The following QSER1 variants were observed in gnomAD, a reference collection of about 807,000 sequenced individuals.
The protein encoded by QSER1 is glutamine and serine-rich protein 1.
QSER1 carries 49 observed loss-of-function variants against 158.5 expected under a neutral mutation model. The observed-to-expected ratio is 0.31, with a 90% CI of 0.25 to 0.39. QSER1 has a LOEUF of 0.39. QSER1 is among the 10% of genes least tolerant of loss of function. The pLI, the probability that QSER1 is intolerant of heterozygous loss-of-function variation, is 1.00. For synonymous variants in QSER1, 650 were observed against 715.5 expected, an observed-to-expected ratio of 0.91 and a Z score of 1.46; for missense variants, 1,754 against 2,010.3, an observed-to-expected ratio of 0.87 and a Z score of 2.44.
chr11:32,933,990 C>G lies in QSER1; in HGVS notation c.2732C>G (p.Ser911Cys). Reference protein sequence around the residue: ...GHVIQSNGDHSQQQLHPQNSE... With the variant: ...GHVIQSNGDHCQQQLHPQNSE... ...GTTATTCAAAGCAATGGTGATCATT[C>G]TCAGCAGCAACTCCATCCTCAAAAT... Residue 911 changes from serine to cysteine, a missense_variant, in exon 4 of 13, where the codon TCT (serine) becomes TGT (cysteine). By Grantham distance (112) the Ser-to-Cys change is moderately radical (BLOSUM62 -1). This residue lies in a region of QSER1 where 1,707 missense variants were observed against 1,919.6 expected (regional missense o/e 0.89). Coordinates refer to ENST00000650167, the MANE Select transcript of QSER1 (RefSeq NM_001076786.3). 6.2e-7 allele frequency: 1 copy of G among 1,613,794 alleles called. No individual in the cohort carries two copies. The highest frequency in any genetic ancestry group is 8.5e-7 in the Non-Finnish European group (1 of 1,179,910).
chr11:32,956,196 C>A, intron 7 of QSER1, 75 bp downstream of exon 7: 1 of 1,273,646 alleles, frequency 7.9e-7, no homozygotes, highest in Non-Finnish European at 1.1e-6. Context: ...TACAAAGGAG[C>A]ATATCAATTA....
chr11:32,915,377 A>G (rs956779982), intron 1 of QSER1, among the ~76,000 whole-genome samples: 2 of 152,188 alleles, frequency 1.3e-5, no homozygotes, highest in African/African-American at 4.8e-5. Flanking sequence ...GGCTGGGAAT[A>G]TGAAGATTGA....
At chr11:32,930,301 A>T (rs571379329) in intron 3 of QSER1, among the ~76,000 whole-genome samples, 3 of 152,208 alleles carry the variant, frequency 2.0e-5, no homozygotes, top group Non-Finnish European at 4.4e-5. Context: ...GAGTTGAACT[A>T]TGTTATCTCA....
chr11:32,913,179 CTT>C (rs61685246), intron 1 of QSER1, among the ~76,000 whole-genome samples: 24 of 54,340 alleles, frequency 4.4e-4, no homozygotes, highest in South Asian at 3.1e-3. Flanking sequence ...TCTCCTCTTC[CTT>C]TTTTTTTTTT....
chr11:32,933,873 C>T lies in QSER1; in HGVS notation c.2615C>T (p.Ala872Val), dbSNP rs1852095207. 6.2e-7 allele frequency: 1 copy of T among 1,613,300 alleles called. No individual in the cohort carries two copies. Among genetic ancestry groups the T allele is most frequent in the African/African-American group, 1.3e-5 (1 of 74,890 alleles). Residue 872 changes from alanine to valine, a missense_variant, in exon 4 of 13, where the codon GCA (alanine) becomes GTA (valine). Ala to Val is a moderately conservative substitution (Grantham distance 64, BLOSUM62 0). Coordinates refer to ENST00000650167, the MANE Select transcript of QSER1 (RefSeq NM_001076786.3). Reference sequence around the variant, plus strand: ...ATTCTTCAGCAGTCAATACTGCAGGCAGGTTTAGGTCAAGTAAAGGCATCT... The same window carrying T: ...ATTCTTCAGCAGTCAATACTGCAGGTAGGTTTAGGTCAAGTAAAGGCATCT... The part of the protein sequence containing the change: ...LQILQQSILQ[A>V]GLGQVKASLQ...
chr11:32,974,600 T>C (rs917756662), intron 11 of QSER1, among the ~76,000 whole-genome samples: 4 of 152,176 alleles, frequency 2.6e-5, no homozygotes, highest in African/African-American at 7.2e-5. Flanking sequence ...AAAGAAGAGA[T>C]AGATTTGTTC....
intron 1 of QSER1, among the ~76,000 whole-genome samples, chr11:32,923,892 C>T (rs886190601): frequency 6.6e-6 from 1 of 151,952 alleles, no homozygotes; most frequent in Non-Finnish European, 1.5e-5. Flanking sequence ...CGCTTGAACC[C>T]GGAAAGTGGA....
At position 32,928,032 on chromosome 11, in the gene QSER1, T is replaced by C. The variant is rs768408915; in HGVS notation, c.393T>C (p.Asn131=). The C allele has an allele frequency of 2.5e-6, 4 of 1,610,006 alleles. No homozygotes were observed. The South Asian group carries it at 4.4e-5, about 18-fold the overall frequency. The change falls in exon 3 of 13, where the codon AAT becomes AAC. Residue 131 remains asparagine, a synonymous_variant. Coordinates refer to ENST00000650167, the MANE Select transcript of QSER1 (RefSeq NM_001076786.3). ...ACACTAAAGAGTCTTCAGTGATGAA[T>C]TTTCTGTCTACTGCTGAATCCCGAA... is the stretch of plus-strand genomic sequence containing the variant. ...SSNTKESSVM[N]FLSTAESRTA... is the part of the protein sequence containing the mutation.
Position 32,932,004 on chromosome 11 carries a change from G to A in QSER1, c.746G>A (p.Ser249Asn), listed in dbSNP as rs761897433. 3.7e-6 allele frequency: 6 copies of A among 1,614,222 alleles called. No individual in the cohort carries two copies. Among genetic ancestry groups the A allele is most frequent in the East Asian group, 2.2e-5 (1 of 44,880 alleles). Residue 249 changes from serine to asparagine, a missense_variant, in exon 4 of 13, where the codon AGT becomes AAT. By Grantham distance (46) the Ser-to-Asn change is conservative. Transcript: ENST00000650167. ...GCTTTGGCATTTGAGCGCCTGGGCA[G>A]TTCTGTATTAAGTAACAGCATACCA... ...PTALAFERLG[S>N]SVLSNSIPPQ...
At chr11:32,947,587 T>C (rs1852357318) in intron 4 of QSER1, among the ~76,000 whole-genome samples, 1 of 152,214 alleles carries the variant, frequency 6.6e-6, no homozygotes, top group East Asian at 1.9e-4. Flanking sequence ...CCAAAATGTT[T>C]GTGCTTGTTA....
At chr11:32,914,503 G>A (rs961823110) in intron 1 of QSER1, among the ~76,000 whole-genome samples, 2 of 152,104 alleles carry the variant, frequency 1.3e-5, no homozygotes, top group African/African-American at 2.4e-5. Flanking sequence ...ACTACTTAAG[G>A]CAAAATCATT....
At chr11:32,902,406 A>G (rs1257537549) in intron 1 of QSER1, among the ~76,000 whole-genome samples, 1 of 152,102 alleles carries the variant, frequency 6.6e-6, no homozygotes, top group African/African-American at 2.4e-5. Flanking sequence ...ATTTCTAACA[A>G]GTTTGTAGGT....
intron 1 of QSER1, among the ~76,000 whole-genome samples, chr11:32,900,176 T>C (rs1851606687): frequency 6.6e-6 from 1 of 152,214 alleles, no homozygotes; most frequent in Non-Finnish European, 1.5e-5. Flanking sequence ...CTGTAATTTA[T>C]TAAGTATGCA....
intron 4 of QSER1, among the ~76,000 whole-genome samples, chr11:32,953,515 G>C (rs544649880): frequency 6.6e-6 from 1 of 151,914 alleles, no homozygotes; most frequent in Admixed American, 6.6e-5. Context: ...CACTATGCTC[G>C]GCTAATTTTT....
chr11:32,968,725 C>T (rs1852794717), intron 9 of QSER1, among the ~76,000 whole-genome samples: 1 of 152,210 alleles, frequency 6.6e-6, no homozygotes. Flanking sequence ...ATAGCTGCCA[C>T]ATATCAGTTC....
intron 4 of QSER1, among the ~76,000 whole-genome samples, chr11:32,940,791 A>G (rs1304178646): frequency 6.6e-6 from 1 of 152,078 alleles, no homozygotes; most frequent in East Asian, 1.9e-4. Flanking sequence ...CTTCCTCTAA[A>G]TGATTATTTG....
In QSER1 at chr11:32,914,864, C is replaced by T. The variant is rs375152096; in HGVS notation, c.210-12293C>T. ...TGACTAAAAAATGGTCACACTTAAA[C>T]AGTGTAGAGAGTGGTAATCTGATAA... On this transcript the variant is annotated intron_variant, in intron 1 of 12. Coordinates refer to ENST00000650167, the MANE Select transcript of QSER1 (RefSeq NM_001076786.3). Among the ~76,000 whole-genome samples the T allele has an allele frequency of 2.6e-5, 4 of 152,296 alleles. No individual in the cohort carries two copies. In the East Asian group the frequency reaches 7.7e-4, roughly 29 times the overall value.
intron 1 of QSER1, among the ~76,000 whole-genome samples, chr11:32,920,621 G>C (rs770600315): frequency 6.6e-6 from 1 of 152,076 alleles, no homozygotes; most frequent in Non-Finnish European, 1.5e-5. Context: ...CAGATTTATC[G>C]GGGATTTGTA....
rs1853005713 is a variant in QSER1, at chr11:32,977,941, T to G, written c.*1467T>G. ...CGCGGATATTGCTATTGTCTTGCTT[T>G]TGAGTTAACAGGCCAACTTTTTATA... On this transcript the variant is annotated 3_prime_UTR_variant, in exon 13 of 13. Coordinates refer to ENST00000650167, the MANE Select transcript of QSER1 (RefSeq NM_001076786.3). 1 of 152,648 alleles carries G rather than the reference T, an allele frequency of 6.6e-6. No individual in the cohort carries two copies. Among genetic ancestry groups the G allele is most frequent in the Non-Finnish European group, 1.5e-5 (1 of 68,030 alleles). The allele number at this position is 152,648 out of a possible 1,614,324, so 9.5% of individuals were successfully genotyped here. A position where few individuals can be genotyped will look rare whatever the true frequency, so the allele number is the denominator to read the frequency against.
Sources: gnomAD v4.1 joint callset for allele counts (sites outside exome capture counted in the v4.1 genomes callset) on GRCh38, gnomAD v4.1.1 for gene constraint, gnomAD v4.1.1 regional missense constraint, MANE v1.5 for transcripts, NCBI Gene and HGNC (gene_info 2026-07-23, HGNC 2026-07-21) for gene names.